The following TIAM2 variants were observed in gnomAD, a reference collection of about 807,000 sequenced individuals.
TIAM2 encodes the protein rho guanine nucleotide exchange factor TIAM2.
A neutral mutation model predicts 152.9 loss-of-function variants in TIAM2; 80 were observed. The ratio of observed to expected loss-of-function variants is 0.52; its 90% confidence interval spans 0.44 to 0.63. The LOEUF is 0.63. Among genes scored for constraint, TIAM2 ranks in the 30% least tolerant of loss-of-function variants. TIAM2 has a pLI of 0.00. For synonymous variants in TIAM2, 804 were observed against 838.0 expected, an observed-to-expected ratio of 0.96 and a Z score of 0.70; for missense variants, 1,965 against 2,120.1, an observed-to-expected ratio of 0.93 and a Z score of 1.44.
At chr6:155,252,670 C>A (rs1783737844) in intron 23 of TIAM2, among the ~76,000 whole-genome samples, 1 of 152,174 alleles carries the variant, frequency 6.6e-6, no homozygotes, top group South Asian at 2.1e-4. Flanking sequence ...ATTGGTTTAC[C>A]ATTCAGAGGC....
At chr6:155,004,609 T>C (rs1313375286) in intron 1 of TIAM2, among the ~76,000 whole-genome samples, 1 of 151,988 alleles carries the variant, frequency 6.6e-6, no homozygotes, top group Non-Finnish European at 1.5e-5. Context: ...TTAGCGAGGA[T>C]GGCCTCAATC....
At chr6:155,248,628 C>T (rs1397093827) in intron 20 of TIAM2, among the ~76,000 whole-genome samples, 2 of 151,802 alleles carry the variant, frequency 1.3e-5, no homozygotes, top group African/African-American at 2.4e-5. Flanking sequence ...GAGCAGAGCT[C>T]GGCTTCAAAA....
intron 1 of TIAM2, among the ~76,000 whole-genome samples, chr6:155,067,763 C>T (rs1302609554): frequency 1.3e-5 from 2 of 152,054 alleles, no homozygotes; most frequent in Non-Finnish European, 2.9e-5. Flanking sequence ...ACCTCTTAGC[C>T]TCCCAAGTAC....
intron 18 of TIAM2, 66 bp downstream of exon 18, chr6:155,244,849 A>G: frequency 3.3e-6 from 5 of 1,501,246 alleles, no homozygotes; most frequent in Non-Finnish European, 3.6e-6. Context: ...CTCTCATGAG[A>G]ATTCTCTCAT....
At chr6:155,023,491 G>A (rs754234221) in intron 1 of TIAM2, among the ~76,000 whole-genome samples, 2 of 152,162 alleles carry the variant, frequency 1.3e-5, no homozygotes, top group Non-Finnish European at 2.9e-5. Flanking sequence ...GGGATCTAGT[G>A]CCTGACCGAA....
rs935668579 is a variant in TIAM2 at position 155,158,624 on chromosome 6, G to A, written c.2029-5791G>A. On this transcript the variant is annotated intron_variant, in intron 7 of 26. Coordinates refer to ENST00000682666, the MANE Select transcript of TIAM2 (RefSeq NM_012454.4). ...CTGGAGTGTGCAGTGGCCCTGTCTC[G>A]GCTCACTGCAGCCTCAACCTCCTGG... Among the ~76,000 whole-genome samples the A allele has an allele frequency of 2.0e-5, 3 of 151,140 alleles. 1 individual carries two copies. Among genetic ancestry groups the A allele is most frequent in the African/African-American group, 7.3e-5 (3 of 41,060 alleles).
At chr6:155,224,332 A>C (rs1441899902) in intron 15 of TIAM2, among the ~76,000 whole-genome samples, 1 of 152,178 alleles carries the variant, frequency 6.6e-6, no homozygotes, top group Non-Finnish European at 1.5e-5. Context: ...GACTCAGCTA[A>C]GAGTAGATGT....
intron 3 of TIAM2, among the ~76,000 whole-genome samples, chr6:155,128,955 G>A (rs533863212): frequency 2.4e-4 from 36 of 152,142 alleles, no homozygotes; most frequent in African/African-American, 7.0e-4. Context: ...ATGCCTGTTC[G>A]CCTTCTAAAT....
At chr6:155,208,668 T>A (rs1320093757) in intron 14 of TIAM2, among the ~76,000 whole-genome samples, 4 of 152,234 alleles carry the variant, frequency 2.6e-5, no homozygotes, top group Non-Finnish European at 5.9e-5. Context: ...TCTCCCTCGA[T>A]GCCTCTCTTT....
intron 1 of TIAM2, among the ~76,000 whole-genome samples, chr6:155,009,841 T>A (rs1442285506): frequency 6.6e-6 from 1 of 152,016 alleles, no homozygotes; most frequent in Non-Finnish European, 1.5e-5. Flanking sequence ...TTTCTCTGAT[T>A]CTGTATACTC....
intron 20 of TIAM2, 32 bp downstream of exon 20, chr6:155,248,211 CCTGCACAGGGCGGCGAGGGG>C (rs1368951777): frequency 3.1e-6 from 5 of 1,602,764 alleles, no homozygotes; most frequent in Admixed American, 1.7e-5. Context: ...CGGGCGAGGG[CCTGCACAGGGCGGCGAGGGG>C]CTGCCAGCCG....
chr6:155,151,513 A>G (rs921945494), intron 7 of TIAM2, among the ~76,000 whole-genome samples: 2 of 152,176 alleles, frequency 1.3e-5, no homozygotes, highest in African/African-American at 2.4e-5. Context: ...TTCAACGTAC[A>G]TATTTCGGAG....
At chr6:155,065,294 T>A (rs1777668841) in intron 1 of TIAM2, among the ~76,000 whole-genome samples, 1 of 152,192 alleles carries the variant, frequency 6.6e-6, no homozygotes, top group Admixed American at 6.5e-5. Flanking sequence ...GTTGTGCTTA[T>A]ATTTAAGTAA....
At chr6:155,041,920 T>C (rs925853343) in intron 1 of TIAM2, among the ~76,000 whole-genome samples, 1 of 152,204 alleles carries the variant, frequency 6.6e-6, no homozygotes, top group African/African-American at 2.4e-5. Flanking sequence ...CAAATAGCCT[T>C]AGTTGAAACA....
chr6:155,029,431 G>A (rs1193222091), intron 1 of TIAM2, among the ~76,000 whole-genome samples: 7 of 5,702 alleles, frequency 1.2e-3, no homozygotes, highest in African/African-American at 3.6e-3. Context: ...ATATACTATA[G>A]TATATATTAT....
intron 15 of TIAM2, among the ~76,000 whole-genome samples, chr6:155,215,238 C>T (rs1781824521): frequency 6.6e-6 from 1 of 152,090 alleles, no homozygotes; most frequent in South Asian, 2.1e-4. Flanking sequence ...TTTAACAATG[C>T]CTATGGTAAC....
chr6:155,099,943 G>A (rs139755102), intron 2 of TIAM2, among the ~76,000 whole-genome samples: 2 of 152,328 alleles, frequency 1.3e-5, no homozygotes, highest in Non-Finnish European at 2.9e-5. Flanking sequence ...GTAGGCAGTT[G>A]TAACACAATG....
intron 10 of TIAM2, 83 bp from the exon 11 acceptor site, chr6:155,178,956 C>A: frequency 1.8e-6 from 2 of 1,119,344 alleles, no homozygotes; most frequent in Non-Finnish European, 2.6e-6. Context: ...GAGATTTCTA[C>A]TTTGATTTTT....
Position 155,129,967 on chromosome 6 carries a change from C to T in TIAM2, c.744C>T (p.Ser248=). Residue 248 remains serine, a synonymous_variant, in exon 4 of 27, where the codon TCC becomes TCT. Coordinates refer to ENST00000682666, the MANE Select transcript of TIAM2 (RefSeq NM_012454.4). The surrounding 1 kb of genome is among the most constrained non-coding windows in gnomAD (Gnocchi z 4.8). ...GCAGCTCCCTGAGTTCTGAGTCATCCTGGTACGACTCCCCTTGGGGCAATG... is the reference window on the plus strand; with the variant it reads ...GCAGCTCCCTGAGTTCTGAGTCATCTTGGTACGACTCCCCTTGGGGCAATG... The part of the protein sequence containing the change: ...SKGSSLSSES[S]WYDSPWGNAG... 3.1e-6 allele frequency: 5 copies of T among 1,614,116 alleles called. No homozygotes were observed. The highest frequency in any genetic ancestry group is 3.4e-6 in the Non-Finnish European group (4 of 1,180,034).
Sources: gnomAD v4.1 joint callset for allele counts (sites outside exome capture counted in the v4.1 genomes callset) on GRCh38, gnomAD v4.1.1 for gene constraint, Gnocchi (gnomAD v3.1) non-coding constraint, MANE v1.5 for transcripts, NCBI Gene and HGNC (gene_info 2026-07-23, HGNC 2026-07-21) for gene names.